The following LYPD6B variants were observed in gnomAD, a reference collection of about 807,000 sequenced individuals.
LYPD6B encodes the protein LY6/PLAUR domain containing 6B.
Under a neutral mutation model 22.8 loss-of-function variants are expected in LYPD6B, and 17 were observed. That is an observed-to-expected ratio of 0.75 (90% confidence interval 0.51 to 1.12). The LOEUF is 1.12. Among genes scored for constraint, LYPD6B ranks in the 50% most tolerant of loss-of-function variants. The probability of loss-of-function intolerance (pLI) is 0.00; values close to 1 mark genes in which losing one functional copy is unlikely to be tolerated. For missense variants in LYPD6B, 221 were observed against 258.3 expected, an observed-to-expected ratio of 0.86 and a Z score of 0.99; for synonymous variants, 106 against 91.6, an observed-to-expected ratio of 1.16 and a Z score of -0.90.
intron 1 of LYPD6B, among the ~76,000 whole-genome samples, chr2:149,080,029 A>T (rs979529908): frequency 2.0e-5 from 3 of 152,146 alleles, no homozygotes; most frequent in Non-Finnish European, 4.4e-5. Context: ...GCCAAAGGGG[A>T]CTATGTAAGT....
intron 1 of LYPD6B, among the ~76,000 whole-genome samples, chr2:149,064,219 A>G (rs1684223254): frequency 6.6e-6 from 1 of 152,212 alleles, no homozygotes; most frequent in Admixed American, 6.5e-5. Flanking sequence ...AATGCTGGAT[A>G]TTAAGGTTAT....
At chr2:149,115,139 A>G (rs1686940701) in intron 1 of LYPD6B, among the ~76,000 whole-genome samples, 1 of 152,106 alleles carries the variant, frequency 6.6e-6, no homozygotes, top group South Asian at 2.1e-4. Flanking sequence ...GGGTTTCACC[A>G]TGTTGGCCAG....
At chr2:149,171,673 G>A (rs992360511) in intron 3 of LYPD6B, among the ~76,000 whole-genome samples, 2 of 152,118 alleles carry the variant, frequency 1.3e-5, no homozygotes, top group African/African-American at 4.8e-5. Context: ...GGATGGCAGG[G>A]AAAGGTTTTG....
At chr2:149,075,547 T>C (rs1408460630) in intron 1 of LYPD6B, among the ~76,000 whole-genome samples, 1 of 152,230 alleles carries the variant, frequency 6.6e-6, no homozygotes. Flanking sequence ...TTAAACTCTT[T>C]AAAAGTTGTC....
chr2:149,066,117 T>C, intron 1 of LYPD6B, among the ~76,000 whole-genome samples: 1 of 152,188 alleles, frequency 6.6e-6, no homozygotes, highest in East Asian at 1.9e-4. Flanking sequence ...CATTTGTGTC[T>C]TGTGTCTAGA....
chr2:149,194,620 A>G (rs1360992114), intron 3 of LYPD6B, among the ~76,000 whole-genome samples: 1 of 152,196 alleles, frequency 6.6e-6, no homozygotes, highest in African/African-American at 2.4e-5. Flanking sequence ...GAGCTGTGGG[A>G]CATGATGATA....
At chr2:149,173,641 C>A (rs958369064) in intron 3 of LYPD6B, among the ~76,000 whole-genome samples, 1 of 152,124 alleles carries the variant, frequency 6.6e-6, no homozygotes, top group African/African-American at 2.4e-5. Context: ...TTGCCAAAAT[C>A]TAGGTTGTGT....
In LYPD6B at chr2:149,056,604, A is replaced by G. The variant is rs78371643; in HGVS notation, c.-67+17803A>G. On this transcript the variant is annotated intron_variant, in intron 1 of 6. Coordinates refer to ENST00000409642, the MANE Select transcript of LYPD6B (RefSeq NM_177964.5). ...ACAATTCTTGTTCTCTCTCATCAGT[A>G]ACTCTTATTTCTCTGAAATGTTTTA... Among the ~76,000 whole-genome samples the G allele has an allele frequency of 8.3e-3, 1,270 of 152,242 alleles. 19 individuals are homozygous for G. The highest frequency in any genetic ancestry group is 0.028 in the African/African-American group (1,181 of 41,550).
chr2:149,209,291 C>G (rs1006374809), intron 5 of LYPD6B, among the ~76,000 whole-genome samples: 4 of 151,970 alleles, frequency 2.6e-5, no homozygotes, highest in African/African-American at 9.7e-5. Flanking sequence ...TAGGAGGGAA[C>G]GCCAAATGAG....
Position 149,173,349 on chromosome 2 carries a change from C to CTTTTTTTTTTTTTTTTTT in LYPD6B, c.77+12517_77+12534dup, listed in dbSNP as rs67113716. On this transcript the variant is annotated intron_variant, in intron 3 of 6. Coordinates refer to ENST00000409642, the MANE Select transcript of LYPD6B (RefSeq NM_177964.5). ...AGCTTGATGCTTTAGTCTGTCAGGC[C>CTTTTTTTTTTTTTTTTTT]TTTTTTTTTTTTTTTTTTTTGCATC... Among the ~76,000 whole-genome samples, 70 of 58,482 alleles carry CTTTTTTTTTTTTTTTTTT rather than the reference C, an allele frequency of 1.2e-3. 6 individuals carry two copies. Among genetic ancestry groups the CTTTTTTTTTTTTTTTTTT allele is most frequent in the East Asian group, 2.2e-3 (4 of 1,818 alleles). 38.4% of individuals were successfully genotyped at this position (58,482 alleles called of 152,430 possible).
intron 2 of LYPD6B, among the ~76,000 whole-genome samples, chr2:149,158,689 G>A (rs904605382): frequency 1.2e-4 from 18 of 152,264 alleles, no homozygotes; most frequent in South Asian, 2.1e-4. Flanking sequence ...CATTATGCTC[G>A]TTTTACCATA....
intron 3 of LYPD6B, among the ~76,000 whole-genome samples, chr2:149,173,814 C>T (rs1423474739): frequency 6.6e-6 from 1 of 152,078 alleles, no homozygotes; most frequent in Non-Finnish European, 1.5e-5. Flanking sequence ...TAATCTACAC[C>T]TTTATTTATT....
At chr2:149,169,230 A>G (rs1428651851) in intron 3 of LYPD6B, among the ~76,000 whole-genome samples, 1 of 152,116 alleles carries the variant, frequency 6.6e-6, no homozygotes, top group African/African-American at 2.4e-5. Context: ...CAACACACAC[A>G]TCACACTCAT....
Position 149,120,378 on chromosome 2 carries a change from TATATA to T in LYPD6B, c.-66-10504_-66-10500del, listed in dbSNP as rs201968431. ...GTGTGTGTGTATATATATATATATATATATATTTTTTTTTTTTTTTTTTTGAGATG... is the reference window on the plus strand; with the variant it reads ...GTGTGTGTGTATATATATATATATATTTTTTTTTTTTTTTTTTTTGAGATG... On this transcript the variant is annotated intron_variant, in intron 1 of 6. Transcript: ENST00000409642. Among the ~76,000 whole-genome samples the T allele has an allele frequency of 6.0e-4, 23 of 38,620 alleles. 1 individual carries two copies. Among genetic ancestry groups the T allele is most frequent in the South Asian group, 2.6e-3 (3 of 1,172 alleles). The allele number at this position is 38,620 out of a possible 152,430, so 25.3% of individuals were successfully genotyped here.
At chr2:149,096,817 A>G (rs1188122705) in intron 1 of LYPD6B, among the ~76,000 whole-genome samples, 1 of 152,240 alleles carries the variant, frequency 6.6e-6, no homozygotes, top group Admixed American at 6.5e-5. Context: ...GAAGGGAACA[A>G]ACAAAATGTT....
intron 3 of LYPD6B, among the ~76,000 whole-genome samples, chr2:149,179,566 G>T (rs753092979): frequency 7.2e-5 from 11 of 152,204 alleles, no homozygotes; most frequent in Non-Finnish European, 1.5e-4. Flanking sequence ...AACAGTGTTG[G>T]TGAGTGCCTG....
chr2:149,123,001 C>T (rs748157164), intron 1 of LYPD6B, among the ~76,000 whole-genome samples: 13 of 152,126 alleles, frequency 8.5e-5, no homozygotes, highest in Non-Finnish European at 1.2e-4. Flanking sequence ...GAAAAAATCA[C>T]GGTAGATTTA....
At chr2:149,120,327 A>ATATATATATG (rs1559009749) in intron 1 of LYPD6B, among the ~76,000 whole-genome samples, 3 of 118,728 alleles carry the variant, frequency 2.5e-5, no homozygotes, top group Non-Finnish European at 5.5e-5. Context: ...ATATATGTGT[A>ATATATATATG]TATATATATG....
intron 1 of LYPD6B, chr2:149,118,075 A>G (rs979545765): frequency 6.6e-6 from 1 of 152,180 alleles, no homozygotes; most frequent in Non-Finnish European, 1.5e-5. Context: ...AATCCAAGAG[A>G]CCAAGACAGA....
Sources: allele counts gnomAD v4.1 joint callset (sites outside exome capture counted in the v4.1 genomes callset), GRCh38; gene constraint gnomAD v4.1.1; transcripts MANE v1.5; gene names NCBI Gene and HGNC (gene_info 2026-07-23, HGNC 2026-07-21).